DLGAP4: variants seen among roughly 807,000 people sequenced by gnomAD.
The protein encoded by DLGAP4 is DLG associated protein 4.
Under a neutral mutation model 86.9 loss-of-function variants are expected in DLGAP4, and 18 were observed. That is an observed-to-expected ratio of 0.21 (90% CI 0.14 to 0.31). The LOEUF is 0.31. Among genes scored for constraint, DLGAP4 ranks in the 10% least tolerant of loss-of-function variants. The probability of loss-of-function intolerance (pLI) is 1.00; values close to 1 mark genes in which losing one functional copy is unlikely to be tolerated. For synonymous variants in DLGAP4, 548 were observed against 574.3 expected (o/e 0.95, Z 0.65); for missense variants, 1,085 against 1,362.6 (o/e 0.80, Z 3.21).
intron 2 of DLGAP4, among the ~76,000 whole-genome samples, chr20:36,420,259 G>A (rs1290831717): frequency 1.3e-5 from 2 of 152,218 alleles, no homozygotes; most frequent in East Asian, 3.9e-4. Flanking sequence ...GACACAGTCT[G>A]TACTTGCTGT....
chr20:36,456,410 G>C (rs971810160), intron 7 of DLGAP4, among the ~76,000 whole-genome samples: 9 of 152,220 alleles, frequency 5.9e-5, no homozygotes, highest in African/African-American at 2.2e-4. Flanking sequence ...TAGCAACATG[G>C]GCAGGATGGA....
At chr20:36,380,135 A>G (rs559518096) in intron 2 of DLGAP4, among the ~76,000 whole-genome samples, 1 of 151,952 alleles carries the variant, frequency 6.6e-6, no homozygotes, top group East Asian at 1.9e-4. Context: ...GCAAGTTGTG[A>G]TCATGCCACT....
intron 2 of DLGAP4, among the ~76,000 whole-genome samples, chr20:36,371,868 A>C (rs547327036): frequency 3.3e-5 from 5 of 152,212 alleles, no homozygotes; most frequent in African/African-American, 1.2e-4. Context: ...AAGTGGGGGC[A>C]TGGGTGATCT....
intron 7 of DLGAP4, among the ~76,000 whole-genome samples, chr20:36,478,986 G>A (rs899343113): frequency 1.3e-5 from 2 of 152,164 alleles, no homozygotes; most frequent in South Asian, 2.1e-4. Context: ...GTGATTATTA[G>A]CCACTAATGT....
In DLGAP4 at chr20:36,463,532, A is replaced by G. The variant is rs185491144; in HGVS notation, c.1648+16595A>G. Among the ~76,000 whole-genome samples, 497 of 152,220 alleles carry G rather than the reference A, an allele frequency of 3.3e-3. 7 individuals carry two copies. The highest frequency in any genetic ancestry group is 0.012 in the African/African-American group (479 of 41,548). ...TCGAGAATGCACCTGCCCTTCCAAT[A>G]GAGCAGGGAGACGGCTGTTTCTTAA... is the stretch of plus-strand genomic sequence containing the variant. On this transcript the variant is annotated intron_variant, in intron 7 of 12. Transcript: ENST00000339266.
chr20:36,391,660 C>G (rs1214244771), intron 2 of DLGAP4, among the ~76,000 whole-genome samples: 1 of 152,188 alleles, frequency 6.6e-6, no homozygotes, highest in Non-Finnish European at 1.5e-5. Context: ...AGTCACTACC[C>G]AGCTCTGAGC....
intron 7 of DLGAP4, among the ~76,000 whole-genome samples, chr20:36,483,199 G>C (rs2035265319): frequency 6.6e-6 from 1 of 152,234 alleles, no homozygotes; most frequent in African/African-American, 2.4e-5. Flanking sequence ...TAATGGGTGA[G>C]GAGTGGATGG....
chr20:36,395,936 C>G (rs2031934369), intron 2 of DLGAP4, among the ~76,000 whole-genome samples: 1 of 152,152 alleles, frequency 6.6e-6, no homozygotes, highest in African/African-American at 2.4e-5. Flanking sequence ...AGGCATGAGG[C>G]TTTAAGAAGT....
At chr20:36,446,432 C>G (rs922026524) in intron 6 of DLGAP4, among the ~76,000 whole-genome samples, 8 of 152,180 alleles carry the variant, frequency 5.3e-5, no homozygotes, top group Non-Finnish European at 1.0e-4. Flanking sequence ...AGTGTGGACC[C>G]TGATTTTTAT....
rs540352665 is a variant in DLGAP4, at chr20:36,453,861, A to G, written c.1648+6924A>G. 8.2e-5 allele frequency among the ~76,000 whole-genome samples: 11 copies of G among 134,360 alleles called. No individual in the cohort carries two copies. The Admixed American group carries it at 9.1e-4, about 11-fold the overall frequency. 88.1% of individuals were successfully genotyped at this position (134,360 alleles called of 152,430 possible). The stretch of plus-strand genomic sequence containing the variant: ...GGCAGAAGAATCGCTTGAACCCAGG[A>G]GGCGGAGGTTGCAGTGAGCCGGGAT... On this transcript the variant is annotated intron_variant, in intron 7 of 12. Coordinates refer to ENST00000339266, the MANE Select transcript of DLGAP4 (RefSeq NM_001365621.2).
intron 1 of DLGAP4, among the ~76,000 whole-genome samples, chr20:36,365,130 A>G (rs2030639855): frequency 6.6e-6 from 1 of 152,200 alleles, no homozygotes; most frequent in South Asian, 2.1e-4. Flanking sequence ...GGGGGAATCA[A>G]GGAGGAGACT....
intron 7 of DLGAP4, among the ~76,000 whole-genome samples, chr20:36,448,264 C>T (rs2033652340): frequency 6.6e-6 from 1 of 152,172 alleles, no homozygotes; most frequent in African/African-American, 2.4e-5. Context: ...GCAGGAGGGA[C>T]ATCTGAGCCC....
chr20:36,494,138 C>CT (rs1243713639), intron 7 of DLGAP4, among the ~76,000 whole-genome samples: 1 of 152,176 alleles, frequency 6.6e-6, no homozygotes, highest in African/African-American at 2.4e-5. Context: ...TGGGGGATCT[C>CT]TGAGTTTTCT....
chr20:36,378,965 G>C (rs186980832), intron 2 of DLGAP4, among the ~76,000 whole-genome samples: 2 of 152,148 alleles, frequency 1.3e-5, no homozygotes, highest in Non-Finnish European at 2.9e-5. Flanking sequence ...AGATGGGCAC[G>C]CTTCCTGCCC....
chr20:36,442,350 A>G (rs769845952), intron 5 of DLGAP4, among the ~76,000 whole-genome samples: 1 of 152,140 alleles, frequency 6.6e-6, no homozygotes, highest in Admixed American at 6.5e-5. Flanking sequence ...ATGTGCCACC[A>G]TGCCCGGCTA....
chr20:36,432,415 A>G lies in DLGAP4; in HGVS notation c.698A>G (p.Gln233Arg), dbSNP rs1470222948. 6.2e-7 allele frequency: 1 copy of G among 1,613,586 alleles called. No homozygotes were observed. Among genetic ancestry groups the G allele is most frequent in the Admixed American group, 1.7e-5 (1 of 60,014 alleles). The change falls in exon 3 of 13, where the codon CAG becomes CGG. Residue 233 changes from glutamine (Q) to arginine (R), a missense_variant. Gln to Arg is a conservative substitution (Grantham distance 43, BLOSUM62 1). Around this residue, in one of 2 missense-constraint regions of DLGAP4, gnomAD observed 1,082 missense variants for 1,344.1 expected, o/e 0.81. Coordinates refer to ENST00000339266, the MANE Select transcript of DLGAP4 (RefSeq NM_001365621.2). The surrounding 1 kb of genome is among the most constrained non-coding windows in gnomAD (Gnocchi z 6.5). ...PASGLMTLGRQAERSQPRYFM... is the reference protein window; with the variant it reads ...PASGLMTLGRRAERSQPRYFM... Reference sequence around the variant, plus strand: ...TCTGGGCTGATGACACTAGGCCGCCAGGCAGAACGCAGCCAGCCACGCTAC... The same window carrying G: ...TCTGGGCTGATGACACTAGGCCGCCGGGCAGAACGCAGCCAGCCACGCTAC...
At chr20:36,509,238 C>T (rs922983290) in intron 10 of DLGAP4, among the ~76,000 whole-genome samples, 12 of 152,132 alleles carry the variant, frequency 7.9e-5, no homozygotes, top group South Asian at 2.1e-4. Context: ...GCCTGGACAA[C>T]GTAGTGAGAC....
intron 7 of DLGAP4, among the ~76,000 whole-genome samples, chr20:36,471,095 G>T (rs1048252885): frequency 1.3e-5 from 2 of 152,030 alleles, no homozygotes; most frequent in African/African-American, 4.8e-5. Flanking sequence ...ATTTTAAAAG[G>T]CACCCCGCCT....
intron 12 of DLGAP4, 175 bp downstream of exon 12, chr20:36,526,181 T>G (rs2037746494): frequency 1.8e-5 from 16 of 902,170 alleles, no homozygotes; most frequent in Non-Finnish European, 2.6e-5. Context: ...GCATGCCGCT[T>G]GCTCCGTGTA....
Sources: gnomAD v4.1 joint callset for allele counts (sites outside exome capture counted in the v4.1 genomes callset) on GRCh38, gnomAD v4.1.1 for gene constraint, gnomAD v4.1.1 regional missense constraint, Gnocchi (gnomAD v3.1) non-coding constraint, MANE v1.5 for transcripts, NCBI Gene and HGNC (gene_info 2026-07-23, HGNC 2026-07-21) for gene names.